CDKN2C: variants seen among roughly 807,000 people sequenced by gnomAD.
CDKN2C encodes cyclin-dependent kinase 4 inhibitor C.
Under a neutral mutation model 11.0 loss-of-function variants are expected in CDKN2C, and 5 were observed. The ratio of observed to expected loss-of-function variants is 0.45; its 90% CI spans 0.24 to 0.95. CDKN2C has a LOEUF of 0.95. Among genes scored for constraint, CDKN2C ranks in the 40% least tolerant of loss-of-function variants. The probability of loss-of-function intolerance (pLI) is 0.21; values close to 1 mark genes in which losing one functional copy is unlikely to be tolerated. For missense variants in CDKN2C, 161 were observed against 211.9 expected (o/e 0.76, Z 1.49); for synonymous variants, 79 against 88.3 (o/e 0.89, Z 0.59).
At chr1:50,973,707 T>C (rs1171330984) in intron 1 of CDKN2C, among the ~76,000 whole-genome samples, 186 bp from the exon 2 acceptor site, 4 of 152,186 alleles carry the variant, frequency 2.6e-5, no homozygotes, top group African/African-American at 9.7e-5. Flanking sequence ...TTTTTAGAAG[T>C]TGTCTTCTAC....
rs755509939 is a variant in CDKN2C, at chr1:50,974,247, G to C, written c.484G>C (p.Gly162Arg). Reference sequence around the variant, plus strand: ...TAGCCTGATGCAGGCAAACGGGGCTGGGGGAGCCACAAATCTTCAATAAAC... The same window carrying C: ...TAGCCTGATGCAGGCAAACGGGGCTCGGGGAGCCACAAATCTTCAATAAAC... Reference protein sequence around the residue: ...VVSLMQANGAGGATNLQ With the variant: ...VVSLMQANGARGATNLQ The change falls in exon 2 of 2, where the codon GGG (glycine) becomes CGG (arginine). Residue 162 changes from glycine (G) to arginine (R), a missense_variant. Coordinates refer to ENST00000371761, the MANE Select transcript of CDKN2C (RefSeq NM_078626.3). 1 of 1,564,872 alleles carries C rather than the reference G, an allele frequency of 6.4e-7. No individual in the cohort carries two copies. Among genetic ancestry groups the C allele is most frequent in the Non-Finnish European group, 8.7e-7 (1 of 1,154,580 alleles).
intron 1 of CDKN2C, among the ~76,000 whole-genome samples, chr1:50,971,644 G>C (rs1645380953): frequency 6.6e-6 from 1 of 152,046 alleles, no homozygotes; most frequent in Non-Finnish European, 1.5e-5. Context: ...TGATAGCAAA[G>C]TAACAAATTT....
chr1:50,970,462 A>G lies in CDKN2C; in HGVS notation c.94A>G (p.Asn32Asp), dbSNP rs1645373867. 9 of 1,614,218 alleles carry G rather than the reference A, an allele frequency of 5.6e-6. No individual in the cohort carries two copies. Among genetic ancestry groups the G allele is most frequent in the Non-Finnish European group, 7.6e-6 (9 of 1,180,042 alleles). The change falls in exon 1 of 2, where the codon AAT becomes GAT. Residue 32 changes from asparagine to aspartate, a missense_variant. Physicochemically the swap from Asn to Asp is conservative, Grantham distance 23. Transcript: ENST00000371761. ...TTTGTTGCAAAATAATGTAAACGTC[A>G]ATGCACAAAATGGATTTGGAAGGAC... is the stretch of plus-strand genomic sequence containing the variant. ...TSLLQNNVNV[N>D]AQNGFGRTAL...
chr1:50,961,450 T>G (rs1233128097), intron 1 of CDKN2C, among the ~76,000 whole-genome samples: 2 of 152,208 alleles, frequency 1.3e-5, no homozygotes, highest in Non-Finnish European at 2.9e-5. Flanking sequence ...CTATGTACAA[T>G]GAAGTGTGAC....
At chr1:50,970,564 T>G (rs553186557) in intron 1 of CDKN2C, 67 bp downstream of exon 1, 1 of 1,570,604 alleles carries the variant, frequency 6.4e-7, no homozygotes, top group South Asian at 1.1e-5. Flanking sequence ...GTTTCTAGAT[T>G]TACAGCTTTT....
chr1:50,966,147 T>A (rs1645346425), upstream of CDKN2C, among the ~76,000 whole-genome samples: 1 of 150,382 alleles, frequency 6.6e-6, no homozygotes, highest in African/African-American at 2.4e-5. Context: ...CAAGCAATCC[T>A]CCTGCCTCAG....
chr1:50,971,189 T>C (rs1476248250), intron 1 of CDKN2C, among the ~76,000 whole-genome samples: 1 of 152,260 alleles, frequency 6.6e-6, no homozygotes, highest in East Asian at 1.9e-4. Context: ...TTGACACATG[T>C]CCAGCTGCCA....
intron 1 of CDKN2C, among the ~76,000 whole-genome samples, chr1:50,961,166 G>T (rs973855841): frequency 2.0e-5 from 3 of 152,106 alleles, no homozygotes; most frequent in Non-Finnish European, 4.4e-5. Context: ...CTCCATAGTA[G>T]CTGGGATTAC....
chr1:50,974,013 G>C lies in CDKN2C; in HGVS notation c.250G>C (p.Asp84His), dbSNP rs1645393730. ...IHDAARAGFL[D>H]TLQTLLEFQA... ...TGATGCGGCCAGAGCAGGTTTCCTG[G>C]ACACTTTACAGACTTTGCTGGAGTT... The change falls in exon 2 of 2, where the codon GAC (aspartate) becomes CAC (histidine). Residue 84 changes from aspartate to histidine, a missense_variant. Transcript: ENST00000371761. 1.2e-6 allele frequency: 2 copies of C among 1,614,198 alleles called. No individual in the cohort carries two copies. Among genetic ancestry groups the C allele is most frequent in the Non-Finnish European group, 1.7e-6 (2 of 1,180,050 alleles).
At chr1:50,966,563 C>G (rs1051488269), upstream of CDKN2C, among the ~76,000 whole-genome samples, 1 of 151,970 alleles carries the variant, frequency 6.6e-6, no homozygotes, top group African/African-American at 2.4e-5. Flanking sequence ...TAGAGATACC[C>G]TTGAATCTGC....
chr1:50,967,615 T>A (rs1005370416), upstream of CDKN2C, among the ~76,000 whole-genome samples: 3 of 152,246 alleles, frequency 2.0e-5, no homozygotes, highest in Admixed American at 6.5e-5. Context: ...GGTTTCATTT[T>A]GACCACTGGG....
chr1:50,968,582 T>A (rs1645360222), upstream of CDKN2C: 1 of 152,028 alleles, frequency 6.6e-6, no homozygotes, highest in Non-Finnish European at 1.5e-5. Context: ...GAGGCGGGAA[T>A]GAGGGCGCGG....
chr1:50,963,769 A>G (rs1276566443), intron 1 of CDKN2C, among the ~76,000 whole-genome samples: 1 of 152,220 alleles, frequency 6.6e-6, no homozygotes, highest in Non-Finnish European at 1.5e-5. Context: ...CATCCTTAAG[A>G]GAAACAATTT....
chr1:50,970,625 A>G, intron 1 of CDKN2C, 128 bp downstream of exon 1: 1 of 1,074,136 alleles, frequency 9.3e-7, no homozygotes, highest in Non-Finnish European at 1.4e-6. Context: ...GTTGGTTGCC[A>G]TATTTTATAT....
chr1:50,968,451 C>T (rs1462939281), upstream of CDKN2C: 2 of 152,394 alleles, frequency 1.3e-5, no homozygotes, highest in African/African-American at 4.8e-5. Context: ...AGACTCAAGC[C>T]CGCCAGCAGA....
chr1:50,973,800 A>G, intron 1 of CDKN2C, 93 bp from the exon 2 acceptor site: 1 of 1,462,700 alleles, frequency 6.8e-7, no homozygotes, highest in Non-Finnish European at 9.5e-7. Context: ...TCAAAAATAA[A>G]TAGTTACATA....
At chr1:50,966,930 C>T (rs922843857), upstream of CDKN2C, among the ~76,000 whole-genome samples, 1 of 152,052 alleles carries the variant, frequency 6.6e-6, no homozygotes, top group Admixed American at 6.6e-5. Context: ...CTTAGGGCCT[C>T]CAAAAATCTT....
Position 50,974,099 on chromosome 1 carries a change from A to G in CDKN2C, c.336A>G (p.Lys112=). The change falls in exon 2 of 2, where the codon AAA becomes AAG. Residue 112 remains lysine (K), a synonymous_variant. Transcript: ENST00000371761. ...EGNLPLHLAA[K]EGHLRVVEFL... ...ACCTGCCCTTGCACTTGGCTGCCAAAGAAGGCCACCTCCGGGTGGTGGAGT... is the reference window on the plus strand; with the variant it reads ...ACCTGCCCTTGCACTTGGCTGCCAAGGAAGGCCACCTCCGGGTGGTGGAGT... 1 of 1,614,220 alleles carries G rather than the reference A, an allele frequency of 6.2e-7. No individual in the cohort carries two copies. Among genetic ancestry groups the G allele is most frequent in the Non-Finnish European group, 8.5e-7 (1 of 1,180,028 alleles).
intron 1 of CDKN2C, among the ~76,000 whole-genome samples, chr1:50,961,626 G>T (rs934317909): frequency 6.6e-6 from 1 of 152,252 alleles, no homozygotes; most frequent in Non-Finnish European, 1.5e-5. Context: ...ATCCTGTAGA[G>T]CTAAAATAAC....
Sources: gnomAD v4.1 joint callset for allele counts (sites outside exome capture counted in the v4.1 genomes callset) on GRCh38, gnomAD v4.1.1 for gene constraint, MANE v1.5 for transcripts, NCBI Gene and HGNC (gene_info 2026-07-23, HGNC 2026-07-21) for gene names.